The following METTL15 variants were observed in gnomAD, a reference collection of about 807,000 sequenced individuals.
METTL15 encodes methyltransferase 15, mitochondrial 12S rRNA N4-cytidine, also known as 12S rRNA N(4)-cytidine methyltransferase METTL15.
In METTL15, 34 loss-of-function variants were observed where a neutral mutation model predicts 38.3. The observed-to-expected ratio is 0.89, with a 90% CI of 0.68 to 1.18. METTL15 has a LOEUF of 1.18. METTL15 is among the 50% of genes most tolerant of loss of function. The pLI is 0.00. For synonymous variants in METTL15, 162 were observed against 170.9 expected (o/e 0.95, Z 0.41); for missense variants, 438 against 498.4 (o/e 0.88, Z 1.15).
At chr11:28,375,970 A>T (rs552723249) in intron 5 of METTL15, among the ~76,000 whole-genome samples, 1 of 151,828 alleles carries the variant, frequency 6.6e-6, no homozygotes, top group East Asian at 1.9e-4. Flanking sequence ...CATGTAGTTG[A>T]GTGGTTTTGA....
chr11:28,182,560 G>T (rs1203490101), intron 3 of METTL15, among the ~76,000 whole-genome samples: 1 of 151,936 alleles, frequency 6.6e-6, no homozygotes, highest in East Asian at 1.9e-4. Context: ...AAGATCAGAT[G>T]GTTGTAGATG....
chr11:28,147,370 G>A (rs1352123475), intron 3 of METTL15, among the ~76,000 whole-genome samples: 1 of 151,772 alleles, frequency 6.6e-6, no homozygotes, highest in African/African-American at 2.4e-5. Flanking sequence ...AATCTTTAGG[G>A]CAATAAGTGG....
At chr11:28,323,350 C>T (rs987551126) in intron 6 of METTL15, among the ~76,000 whole-genome samples, 10 of 152,010 alleles carry the variant, frequency 6.6e-5, no homozygotes, top group Admixed American at 5.9e-4. Flanking sequence ...TGGAGGAAGA[C>T]AGATGGTAAA....
chr11:28,316,261 G>A (rs865855627), intron 6 of METTL15, among the ~76,000 whole-genome samples: 1 of 152,182 alleles, frequency 6.6e-6, no homozygotes, highest in Non-Finnish European at 1.5e-5. Context: ...GCATCAGTGT[G>A]ACCTGGATGT....
chr11:28,192,821 A>G (rs1479018651), intron 3 of METTL15, among the ~76,000 whole-genome samples: 2 of 152,112 alleles, frequency 1.3e-5, no homozygotes, highest in Non-Finnish European at 2.9e-5. Flanking sequence ...CCCAAATGTC[A>G]GTAGTGCCAA....
intron 5 of METTL15, among the ~76,000 whole-genome samples, chr11:28,369,236 C>T (rs1036959200): frequency 6.6e-6 from 1 of 151,764 alleles, no homozygotes; most frequent in Non-Finnish European, 1.5e-5. Flanking sequence ...AAGACAGGTA[C>T]TTTTCCATTA....
chr11:28,360,833 A>G (rs1850131546), intron 4 of METTL15, among the ~76,000 whole-genome samples: 1 of 95,994 alleles, frequency 1.0e-5, no homozygotes, highest in Non-Finnish European at 2.0e-5. Context: ...AACAGTCCCC[A>G]GAGTGTGATG....
At chr11:28,141,340 A>C (rs971132463) in intron 3 of METTL15, among the ~76,000 whole-genome samples, 1 of 152,116 alleles carries the variant, frequency 6.6e-6, no homozygotes, top group Non-Finnish European at 1.5e-5. Flanking sequence ...GGCCGAATGC[A>C]CGAGTCTGAA....
chr11:28,173,433 C>T (rs1029591188), intron 3 of METTL15, among the ~76,000 whole-genome samples: 1 of 152,132 alleles, frequency 6.6e-6, no homozygotes, highest in African/African-American at 2.4e-5. Flanking sequence ...TCTGCTGGAG[C>T]CTTGATCTTA....
At chr11:28,350,627 C>A (rs1850032864) in intron 3 of METTL15, among the ~76,000 whole-genome samples, 1 of 152,118 alleles carries the variant, frequency 6.6e-6, no homozygotes, top group African/African-American at 2.4e-5. Flanking sequence ...TTTTTGACTT[C>A]TTGTCTTTTT....
At position 28,149,072 on chromosome 11, in the gene METTL15, A is replaced by G. The variant is rs373405786; in HGVS notation, c.270+35468A>G. ...GGCTAAGGCAGCTTTTGAGAAAGGC[A>G]ATAATACACTTTATTTTTTCTATTC... On this transcript the variant is annotated intron_variant, in intron 3 of 6. Transcript: ENST00000407364. Among the ~76,000 whole-genome samples the G allele has an allele frequency of 5.9e-5, 9 of 152,098 alleles. No individual in the cohort carries two copies. The South Asian group carries it at 1.9e-3, about 31-fold the overall frequency.
chr11:28,514,332 T>C (rs546055716), intron 6 of METTL15, among the ~76,000 whole-genome samples: 1 of 152,308 alleles, frequency 6.6e-6, no homozygotes, highest in Admixed American at 6.5e-5. Context: ...TTAGCTTGAA[T>C]GATATGATAT....
chr11:28,239,611 G>A (rs1468821008), intron 4 of METTL15, among the ~76,000 whole-genome samples: 2 of 152,070 alleles, frequency 1.3e-5, no homozygotes, highest in East Asian at 1.9e-4. Flanking sequence ...CCTCTGCTAT[G>A]TTGACCCCTG....
chr11:28,118,369 G>T (rs972777241), intron 3 of METTL15, among the ~76,000 whole-genome samples: 2 of 151,970 alleles, frequency 1.3e-5, no homozygotes, highest in Admixed American at 6.6e-5. Flanking sequence ...CTCTTGGAAG[G>T]TATTTAAAAT....
At chr11:28,136,544 A>C (rs750065267) in intron 3 of METTL15, among the ~76,000 whole-genome samples, 1 of 152,232 alleles carries the variant, frequency 6.6e-6, no homozygotes, top group Non-Finnish European at 1.5e-5. Context: ...GTGGTTTACA[A>C]TAACATAATA....
At chr11:28,111,286 A>T (rs1851707668) in intron 2 of METTL15, among the ~76,000 whole-genome samples, 1 of 151,988 alleles carries the variant, frequency 6.6e-6, no homozygotes. Context: ...TTCCCCCGCT[A>T]CTCTGCGTTT....
intron 4 of METTL15, among the ~76,000 whole-genome samples, chr11:28,229,718 G>A (rs1269895093): frequency 6.6e-6 from 1 of 151,896 alleles, no homozygotes; most frequent in Non-Finnish European, 1.5e-5. Flanking sequence ...AGAACTATGA[G>A]AAATAAATTT....
chr11:28,325,223 C>T (rs1468839021), intron 6 of METTL15, among the ~76,000 whole-genome samples: 1 of 152,180 alleles, frequency 6.6e-6, no homozygotes, highest in Non-Finnish European at 1.5e-5. Flanking sequence ...GGCTACATGG[C>T]TGTGATAACA....
chr11:28,130,679 C>T (rs139562846), intron 3 of METTL15, among the ~76,000 whole-genome samples: 23 of 152,100 alleles, frequency 1.5e-4, no homozygotes, highest in Admixed American at 7.9e-4. Flanking sequence ...AGTCTACATG[C>T]GCAGATGTTG....
Sources: allele counts gnomAD v4.1 joint callset (sites outside exome capture counted in the v4.1 genomes callset), GRCh38; gene constraint gnomAD v4.1.1; transcripts MANE v1.5; gene names NCBI Gene and HGNC (gene_info 2026-07-23, HGNC 2026-07-21).